KCNC4: variants seen among roughly 807,000 people sequenced by gnomAD.
KCNC4 encodes the protein potassium voltage-gated channel subfamily C member 4.
Under a neutral mutation model 42.8 loss-of-function variants are expected in KCNC4, and 23 were observed. The ratio of observed to expected loss-of-function variants is 0.54; its 90% CI spans 0.39 to 0.76. KCNC4 has a LOEUF of 0.76. Ranked by LOEUF, KCNC4 falls within the 30% of genes least tolerant of loss-of-function variation. The pLI, the probability that KCNC4 is intolerant of heterozygous loss-of-function variation, is 0.00. For missense variants in KCNC4, 751 were observed against 898.2 expected, an observed-to-expected ratio of 0.84 and a Z score of 2.10; for synonymous variants, 422 against 393.5, an observed-to-expected ratio of 1.07 and a Z score of -0.86.
chr1:110,252,373 T>C (rs1659263068), downstream of KCNC4, among the ~76,000 whole-genome samples: 1 of 152,214 alleles, frequency 6.6e-6, no homozygotes, highest in Admixed American at 6.5e-5. Flanking sequence ...GTTACAGCTG[T>C]TAAATTGGTC....
Position 110,226,359 on chromosome 1 carries a change from T to G in KCNC4, c.1819+181T>G, listed in dbSNP as rs188903741. The G allele has an allele frequency of 1.6e-4, 103 of 637,920 alleles. 2 individuals are homozygous for G. In the Admixed American group the frequency reaches 2.1e-3, roughly 13 times the overall value. 39.5% of individuals were successfully genotyped at this position (637,920 alleles called of 1,614,324 possible). A position where few individuals can be genotyped will look rare whatever the true frequency, so the allele number is the denominator to read the frequency against. On this transcript the variant is annotated intron_variant, in intron 3 of 3. Coordinates refer to ENST00000438661, the MANE Select transcript of KCNC4 (RefSeq NM_001039574.3). Reference sequence around the variant, plus strand: ...TCCCAGTCCCTGGATTAGAAAGGTCTTCTCCATCTCAGAAGGGCACACGGC... The same window carrying G: ...TCCCAGTCCCTGGATTAGAAAGGTCGTCTCCATCTCAGAAGGGCACACGGC...
downstream of KCNC4, among the ~76,000 whole-genome samples, chr1:110,254,095 G>GT (rs1226362578): frequency 9.7e-5 from 13 of 134,554 alleles, no homozygotes; most frequent in African/African-American, 2.3e-4. Context: ...GAAGTCGGGG[G>GT]GGGGGCGGCG....
At chr1:110,232,758 C>T (rs1658760679) in intron 3 of KCNC4, 153 bp from the exon 4 acceptor site, 1 of 1,535,574 alleles carries the variant, frequency 6.5e-7, no homozygotes. Flanking sequence ...CCTTAGCCCA[C>T]ACCCTGTGGG....
intron 1 of KCNC4, among the ~76,000 whole-genome samples, chr1:110,255,526 G>C (rs550452232): frequency 2.0e-5 from 3 of 152,264 alleles, no homozygotes; most frequent in African/African-American, 7.2e-5. Flanking sequence ...TTAGCTCTTT[G>C]GGTATCTGGA....
rs1309429265 is a variant in KCNC4 at position 110,215,406 on chromosome 1, G to A, written c.678+3229G>A. On this transcript the variant is annotated intron_variant, in intron 1 of 3. Transcript: ENST00000438661. ...CAGGGGGCCCAGTGGAGGTTTGGCAGCATCCGAAACTTTAGAAACCTGCAC... is the reference window on the plus strand; with the variant it reads ...CAGGGGGCCCAGTGGAGGTTTGGCAACATCCGAAACTTTAGAAACCTGCAC... 2.0e-5 allele frequency among the ~76,000 whole-genome samples: 3 copies of A among 152,202 alleles called. No individual in the cohort carries two copies. The East Asian group carries it at 5.8e-4, about 29-fold the overall frequency.
chr1:110,265,237 A>T (rs1288669481), intron 1 of KCNC4, among the ~76,000 whole-genome samples: 1 of 152,000 alleles, frequency 6.6e-6, no homozygotes, highest in Non-Finnish European at 1.5e-5. Flanking sequence ...GATCTCGTTT[A>T]TAGTGTTCAG....
intron 1 of KCNC4, among the ~76,000 whole-genome samples, chr1:110,255,409 G>A (rs1047364362): frequency 6.6e-6 from 1 of 152,106 alleles, no homozygotes; most frequent in African/African-American, 2.4e-5. Context: ...CATGTCCCCA[G>A]GCACAAGTTG....
chr1:110,229,050 GC>G (rs1157779087), intron 3 of KCNC4: 1 of 152,278 alleles, frequency 6.6e-6, no homozygotes, highest in African/African-American at 2.4e-5. Flanking sequence ...AGCGCCTGGG[GC>G]CAGTCAGCCT....
At chr1:110,273,956 G>A (rs377205768) in intron 1 of KCNC4, among the ~76,000 whole-genome samples, 4 of 152,110 alleles carry the variant, frequency 2.6e-5, no homozygotes, top group East Asian at 3.8e-4. Context: ...GGACTAAAAC[G>A]TTATTAAGAA....
At chr1:110,250,050 C>G (rs545473383), downstream of KCNC4, among the ~76,000 whole-genome samples, 5 of 152,332 alleles carry the variant, frequency 3.3e-5, no homozygotes, top group East Asian at 7.7e-4. Flanking sequence ...AACACCTTAG[C>G]AAGAATTAGT....
chr1:110,215,387 G>A (rs948939096), intron 1 of KCNC4, among the ~76,000 whole-genome samples: 3 of 152,192 alleles, frequency 2.0e-5, no homozygotes, highest in African/African-American at 7.2e-5. Flanking sequence ...GCCTCAGGGG[G>A]CCCAGTGGAG....
exon 4 of KCNC4, chr1:110,239,538 T>A (rs1658983710): frequency 6.6e-6 from 1 of 152,220 alleles, no homozygotes; most frequent in Admixed American, 6.5e-5. Flanking sequence ...TGCTTCCCTG[T>A]AAGTTGCTAG....
intron 1 of KCNC4, among the ~76,000 whole-genome samples, chr1:110,270,113 T>C (rs1251665177): frequency 1.3e-5 from 2 of 152,202 alleles, no homozygotes; most frequent in Non-Finnish European, 2.9e-5. Flanking sequence ...GCTCCATCCT[T>C]CTCACCTGGA....
intron 1 of KCNC4, among the ~76,000 whole-genome samples, chr1:110,281,513 G>C (rs555257277): frequency 6.6e-6 from 1 of 151,426 alleles, no homozygotes; most frequent in South Asian, 2.1e-4. Context: ...AGGGGAATTA[G>C]AGGAGCTGTG....
chr1:110,213,078 C>T (rs1415703318), intron 1 of KCNC4, among the ~76,000 whole-genome samples: 2 of 151,222 alleles, frequency 1.3e-5, no homozygotes, highest in Admixed American at 6.6e-5. Flanking sequence ...GCAAGACCTA[C>T]CGCCTCCTCC....
intron 1 of KCNC4, among the ~76,000 whole-genome samples, chr1:110,257,720 C>CAGAAAA (rs1659360507): frequency 1.1e-5 from 1 of 91,010 alleles, no homozygotes; most frequent in Non-Finnish European, 2.0e-5. Flanking sequence ...GACTCCGTCT[C>CAGAAAA]AAAAAAAAAA....
chr1:110,211,822 A>G lies in KCNC4; in HGVS notation c.323A>G (p.Asn108Ser), dbSNP rs1657476999. The G allele has an allele frequency of 1.2e-6, 2 of 1,611,394 alleles. No individual in the cohort carries two copies. The highest frequency in any genetic ancestry group is 2.2e-5 in the East Asian group (1 of 44,864). The change falls in exon 1 of 4, where the codon AAC (asparagine) becomes AGC (serine). Residue 108 changes from asparagine to serine, a missense_variant. This residue lies in a region of KCNC4 where 183 missense variants were observed against 255.8 expected (regional missense o/e 0.72). Transcript: ENST00000438661. This position sits in a 1 kb window ranked among gnomAD's most constrained non-coding sequence, Gnocchi z 6.5. The stretch of plus-strand genomic sequence containing the variant: ...CCGGGCGTCTTCGCCTACGTGCTCA[A>G]CTACTACCGCACCGGCAAGCTGCAC... The part of the protein sequence containing the change: ...RHPGVFAYVL[N>S]YYRTGKLHCP...
In KCNC4 at chr1:110,211,896, T is replaced by C; in HGVS notation, c.397T>C (p.Trp133Arg). Reference protein sequence around the residue: ...GPLFEEELTFWGIDETDVEPC... With the variant: ...GPLFEEELTFRGIDETDVEPC... ...GCTCTTCGAAGAGGAGCTCACCTTCTGGGGCATCGACGAGACCGACGTGGA... is the reference window on the plus strand; with the variant it reads ...GCTCTTCGAAGAGGAGCTCACCTTCCGGGGCATCGACGAGACCGACGTGGA... Residue 133 changes from tryptophan to arginine, a missense_variant, in exon 1 of 4, where the codon TGG becomes CGG. Physicochemically the swap from Trp to Arg is moderately radical, Grantham distance 101. Around this residue, in one of 4 missense-constraint regions of KCNC4, gnomAD observed 183 missense variants for 255.8 expected, o/e 0.72. Transcript: ENST00000438661. The surrounding 1 kb of genome is among the most constrained non-coding windows in gnomAD (Gnocchi z 6.5). 1 of 1,611,598 alleles carries C rather than the reference T, an allele frequency of 6.2e-7. No homozygotes were observed. The highest frequency in any genetic ancestry group is 8.5e-7 in the Non-Finnish European group (1 of 1,179,806).
chr1:110,246,782 T>A (rs1659158448), exon 4 of KCNC4: 1 of 149,608 alleles, frequency 6.7e-6, no homozygotes, highest in Middle Eastern at 3.2e-3. Context: ...TTTTTTTTGG[T>A]ACACATTTAT....
Sources: gnomAD v4.1 joint callset for allele counts (sites outside exome capture counted in the v4.1 genomes callset) on GRCh38, gnomAD v4.1.1 for gene constraint, gnomAD v4.1.1 regional missense constraint, Gnocchi (gnomAD v3.1) non-coding constraint, MANE v1.5 for transcripts, NCBI Gene and HGNC (gene_info 2026-07-23, HGNC 2026-07-21) for gene names.